Variants in CAB39 observed in about 807,000 individuals in gnomAD.
CAB39 encodes calcium binding protein 39, also known as calcium-binding protein 39.
In CAB39, 8 loss-of-function variants were observed where a neutral mutation model predicts 40.0. The observed-to-expected ratio is 0.20, with a 90% CI of 0.12 to 0.36. The LOEUF (loss-of-function observed/expected upper bound fraction) is 0.36, where lower values mean the gene tolerates loss of function less well. Ranked by LOEUF, CAB39 falls within the 10% of genes least tolerant of loss-of-function variation. CAB39 has a pLI of 1.00. For synonymous variants in CAB39, 156 were observed against 141.6 expected, an observed-to-expected ratio of 1.10 and a Z score of -0.72; for missense variants, 270 against 401.1, an observed-to-expected ratio of 0.67 and a Z score of 2.79.
chr2:230,737,797 T>C (rs1240901367), intron 1 of CAB39, among the ~76,000 whole-genome samples: 2 of 152,216 alleles, frequency 1.3e-5, no homozygotes, highest in African/African-American at 4.8e-5. Context: ...GCTTTTGTTG[T>C]GCATTTTAGA....
intron 2 of CAB39, among the ~76,000 whole-genome samples, chr2:230,770,972 G>A (rs1695472886): frequency 6.6e-6 from 1 of 152,210 alleles, no homozygotes. Flanking sequence ...TTATCTCTGA[G>A]ATCAAGAAGA....
rs529980060 is a variant in CAB39 at position 230,723,924 on chromosome 2, C to T, written c.-44+10694C>T. Among the ~76,000 whole-genome samples, 50 of 151,926 alleles carry T rather than the reference C, an allele frequency of 3.3e-4. No homozygotes were observed. In the Middle Eastern group the frequency reaches 0.014, roughly 41 times the overall value. The stretch of plus-strand genomic sequence containing the variant: ...AATAAGAGGTTCCAATCAGCGTCAC[C>T]GCCACATACCAATTCAGTATGCAAA... On this transcript the variant is annotated intron_variant, in intron 1 of 8. Transcript: ENST00000258418.
At chr2:230,716,212 A>G (rs931963090) in intron 1 of CAB39, among the ~76,000 whole-genome samples, 4 of 152,238 alleles carry the variant, frequency 2.6e-5, no homozygotes, top group Non-Finnish European at 4.4e-5. Flanking sequence ...AAGAAAGTCC[A>G]GTATAAGTAT....
intron 5 of CAB39, among the ~76,000 whole-genome samples, chr2:230,805,806 T>C (rs1449027777): frequency 2.6e-5 from 4 of 152,260 alleles, no homozygotes; most frequent in East Asian, 1.9e-4. Context: ...TATATCCATA[T>C]GCTATTGGCA....
chr2:230,729,535 T>C lies in CAB39; in HGVS notation c.-44+16305T>C, dbSNP rs576958191. Among the ~76,000 whole-genome samples the C allele has an allele frequency of 2.0e-5, 3 of 152,126 alleles. No individual in the cohort carries two copies. The South Asian group carries it at 6.2e-4, about 32-fold the overall frequency. The stretch of plus-strand genomic sequence containing the variant: ...GGGAGGCTGAGGTGGGTGGATCACC[T>C]GAGGTCAGGAGTTCAAACCAGCCTG... On this transcript the variant is annotated intron_variant, in intron 1 of 8. Coordinates refer to ENST00000258418, the MANE Select transcript of CAB39 (RefSeq NM_016289.4).
intron 1 of CAB39, among the ~76,000 whole-genome samples, chr2:230,738,813 T>C (rs1320079160): frequency 6.6e-6 from 1 of 152,246 alleles, no homozygotes; most frequent in African/African-American, 2.4e-5. Flanking sequence ...AGAGTGATTT[T>C]CCAGGTTTAC....
chr2:230,788,511 C>T (rs551980810), intron 2 of CAB39, among the ~76,000 whole-genome samples: 1 of 152,104 alleles, frequency 6.6e-6, no homozygotes, highest in South Asian at 2.1e-4. Context: ...ATACTGTCTT[C>T]ATTGCTTTTC....
At chr2:230,769,824 C>CAAAA (rs76656397) in intron 2 of CAB39, among the ~76,000 whole-genome samples, 177 of 92,870 alleles carry the variant, frequency 1.9e-3, no homozygotes, top group African/African-American at 6.8e-3. Flanking sequence ...ACTAAAAATA[C>CAAAA]AAAAAAAAAA....
At chr2:230,753,963 C>T (rs777336349) in intron 1 of CAB39, among the ~76,000 whole-genome samples, 1 of 152,082 alleles carries the variant, frequency 6.6e-6, no homozygotes, top group Non-Finnish European at 1.5e-5. Context: ...CACACACCCA[C>T]CAACCATCTA....
chr2:230,731,474 T>C lies in CAB39; in HGVS notation c.-44+18244T>C, dbSNP rs1393225933. Among the ~76,000 whole-genome samples the C allele has an allele frequency of 2.0e-5, 3 of 152,356 alleles. No homozygotes were observed. In the East Asian group the frequency reaches 5.8e-4, roughly 29 times the overall value. On this transcript the variant is annotated intron_variant, in intron 1 of 8. Coordinates refer to ENST00000258418, the MANE Select transcript of CAB39 (RefSeq NM_016289.4). Reference sequence around the variant, plus strand: ...GATTGTGGTGGTGATTGCTTAACTCTGAATATACTGAAAATTATTGGATTT... The same window carrying C: ...GATTGTGGTGGTGATTGCTTAACTCCGAATATACTGAAAATTATTGGATTT...
At chr2:230,758,956 C>T (rs1695242362) in intron 1 of CAB39, among the ~76,000 whole-genome samples, 1 of 152,130 alleles carries the variant, frequency 6.6e-6, no homozygotes, top group African/African-American at 2.4e-5. Flanking sequence ...GTCTTGTTAA[C>T]TTTGTTTCTT....
intron 4 of CAB39, among the ~76,000 whole-genome samples, chr2:230,797,570 C>CA (rs1696009444): frequency 6.6e-6 from 1 of 151,864 alleles, no homozygotes; most frequent in Non-Finnish European, 1.5e-5. Flanking sequence ...TGATTTGAGA[C>CA]ACGTTGAGTT....
At chr2:230,759,118 C>G (rs984131614) in intron 1 of CAB39, among the ~76,000 whole-genome samples, 5 of 152,164 alleles carry the variant, frequency 3.3e-5, no homozygotes, top group Admixed American at 1.3e-4. Flanking sequence ...CGAGTTCTTT[C>G]ATAGGAGATG....
At chr2:230,754,248 C>G (rs1340960059) in intron 1 of CAB39, among the ~76,000 whole-genome samples, 1 of 152,106 alleles carries the variant, frequency 6.6e-6, no homozygotes, top group Non-Finnish European at 1.5e-5. Flanking sequence ...CACCCATCAC[C>G]CAGGCAGTAT....
At chr2:230,782,014 G>A (rs572970788) in intron 2 of CAB39, among the ~76,000 whole-genome samples, 6 of 152,234 alleles carry the variant, frequency 3.9e-5, no homozygotes, top group South Asian at 2.1e-4. Flanking sequence ...ACAGGCTCAT[G>A]CCACTGCACC....
intron 1 of CAB39, among the ~76,000 whole-genome samples, chr2:230,719,165 A>C (rs1694403265): frequency 6.6e-6 from 1 of 152,244 alleles, no homozygotes; most frequent in Admixed American, 6.5e-5. Flanking sequence ...AACAAAAATT[A>C]GTTAGCTTGG....
chr2:230,784,929 A>G (rs1050649442), intron 2 of CAB39, among the ~76,000 whole-genome samples: 1 of 152,146 alleles, frequency 6.6e-6, no homozygotes, highest in African/African-American at 2.4e-5. Flanking sequence ...CACATTTTAC[A>G]CTTTATCCTA....
At chr2:230,716,735 C>G (rs949441513) in intron 1 of CAB39, among the ~76,000 whole-genome samples, 4 of 152,218 alleles carry the variant, frequency 2.6e-5, no homozygotes, top group Non-Finnish European at 5.9e-5. Flanking sequence ...AGCGGGGTAG[C>G]TCACTCCTAT....
intron 1 of CAB39, among the ~76,000 whole-genome samples, chr2:230,730,427 C>T (rs991359353): frequency 6.8e-6 from 1 of 147,518 alleles, no homozygotes; most frequent in African/African-American, 2.5e-5. Context: ...AAAAACTATA[C>T]ATTAGAAGAA....
Sources: gnomAD v4.1 joint callset for allele counts (sites outside exome capture counted in the v4.1 genomes callset) on GRCh38, gnomAD v4.1.1 for gene constraint, MANE v1.5 for transcripts, NCBI Gene and HGNC (gene_info 2026-07-23, HGNC 2026-07-21) for gene names.